Variants in CTNNA2 observed in about 807,000 individuals in gnomAD.
The protein encoded by CTNNA2 is catenin alpha 2.
In CTNNA2, 42 loss-of-function variants were observed where a neutral mutation model predicts 101.0. The ratio of observed to expected loss-of-function variants is 0.42; its 90% CI spans 0.32 to 0.54. The LOEUF is 0.54. CTNNA2 is among the 20% of genes least tolerant of loss of function. The pLI, the probability that CTNNA2 is intolerant of heterozygous loss-of-function variation, is 0.14. For missense variants in CTNNA2, 871 were observed against 1,223.1 expected, an observed-to-expected ratio of 0.71 and a Z score of 4.29; for synonymous variants, 450 against 456.4, an observed-to-expected ratio of 0.99 and a Z score of 0.18.
rs143099518 is a variant in CTNNA2, at chr2:79,984,622, C to T, written c.1056+74825C>T. Among the ~76,000 whole-genome samples the T allele has an allele frequency of 1.6e-3, 248 of 152,284 alleles. 1 individual carries two copies. The highest frequency in any genetic ancestry group is 3.1e-3 in the Non-Finnish European group (213 of 68,026). On this transcript the variant is annotated intron_variant, in intron 7 of 18. Coordinates refer to ENST00000402739, the MANE Select transcript of CTNNA2 (RefSeq NM_001282597.3). The stretch of plus-strand genomic sequence containing the variant: ...GAGAATGATGCCTTAGTTTGTAGAA[C>T]TTCCAAGTGAAGTGTGGCTATGAGT...
At chr2:79,428,087 A>T (rs1678611694) in intron 4 of CTNNA2, among the ~76,000 whole-genome samples, 1 of 152,034 alleles carries the variant, frequency 6.6e-6, no homozygotes, top group African/African-American at 2.4e-5. Flanking sequence ...TATAATATAT[A>T]AGGTTTCCTT....
At chr2:80,059,195 C>A (rs1235273774) in intron 7 of CTNNA2, among the ~76,000 whole-genome samples, 1 of 152,108 alleles carries the variant, frequency 6.6e-6, no homozygotes, top group African/African-American at 2.4e-5. Context: ...TGACCCACAC[C>A]ATATTTCATG....
chr2:79,614,728 G>A (rs1182667274), intron 1 of CTNNA2, among the ~76,000 whole-genome samples: 2 of 152,158 alleles, frequency 1.3e-5, no homozygotes, highest in East Asian at 3.9e-4. Flanking sequence ...TATGCAAAAT[G>A]TTTTTATATT....
chr2:79,606,091 A>G (rs959972352), intron 1 of CTNNA2, among the ~76,000 whole-genome samples: 1 of 152,222 alleles, frequency 6.6e-6, no homozygotes, highest in Non-Finnish European at 1.5e-5. Flanking sequence ...AGGTGAAAAA[A>G]TCAATAATAT....
At chr2:79,480,515 G>A (rs1042161301) in intron 4 of CTNNA2, among the ~76,000 whole-genome samples, 23 of 151,978 alleles carry the variant, frequency 1.5e-4, no homozygotes, top group African/African-American at 5.6e-4. Context: ...TATTAACATT[G>A]TACTGTCTTT....
intron 2 of CTNNA2, among the ~76,000 whole-genome samples, chr2:79,297,677 A>G (rs113734421): frequency 2.0e-3 from 303 of 152,278 alleles, no homozygotes; most frequent in Non-Finnish European, 3.6e-3. Flanking sequence ...TTATCTCTCT[A>G]TCTATATCTA....
chr2:79,550,642 T>G (rs1416412770), intron 1 of CTNNA2, among the ~76,000 whole-genome samples: 1 of 152,260 alleles, frequency 6.6e-6, no homozygotes, highest in Non-Finnish European at 1.5e-5. Context: ...ACTCATTTAC[T>G]TATTCTTTCC....
chr2:80,599,589 G>C (rs1228387152), intron 15 of CTNNA2, among the ~76,000 whole-genome samples: 1 of 152,024 alleles, frequency 6.6e-6, no homozygotes, highest in Non-Finnish European at 1.5e-5. Context: ...TTCATGATGT[G>C]GGGAAACTGG....
chr2:80,093,661 C>T (rs1272684381), intron 7 of CTNNA2, among the ~76,000 whole-genome samples: 1 of 148,904 alleles, frequency 6.7e-6, no homozygotes, highest in Non-Finnish European at 1.5e-5. Flanking sequence ...TCCTCTCCAG[C>T]ACCTGTTTTT....
At chr2:80,285,393 T>C (rs572010880) in intron 7 of CTNNA2, among the ~76,000 whole-genome samples, 1 of 152,206 alleles carries the variant, frequency 6.6e-6, no homozygotes, top group African/African-American at 2.4e-5. Context: ...TATTTTAATG[T>C]CTTAATAAAA....
chr2:79,827,306 G>T (rs1018780080), intron 3 of CTNNA2, among the ~76,000 whole-genome samples: 1 of 152,134 alleles, frequency 6.6e-6, no homozygotes, highest in Non-Finnish European at 1.5e-5. Flanking sequence ...CCAAAGTGCT[G>T]GGATTACAGG....
intron 3 of CTNNA2, among the ~76,000 whole-genome samples, chr2:79,340,414 T>G (rs946819361): frequency 1.3e-5 from 2 of 152,130 alleles, no homozygotes; most frequent in African/African-American, 2.4e-5. Flanking sequence ...AGTTGGCAGG[T>G]GCAGTAAACT....
chr2:80,313,374 C>T (rs1010238678), intron 7 of CTNNA2: 27 of 1,336,760 alleles, frequency 2.0e-5, no homozygotes, highest in African/African-American at 1.2e-4. Context: ...GAATTTTACC[C>T]GATGAGAAGC....
At chr2:80,277,651 A>G (rs1477736887) in intron 7 of CTNNA2, among the ~76,000 whole-genome samples, 1 of 151,922 alleles carries the variant, frequency 6.6e-6, no homozygotes, top group African/African-American at 2.4e-5. Flanking sequence ...TGGTGAGAGG[A>G]ACAAAATGAG....
chr2:79,948,319 T>C (rs1688642716), intron 7 of CTNNA2, among the ~76,000 whole-genome samples: 1 of 152,164 alleles, frequency 6.6e-6, no homozygotes. Flanking sequence ...AATCATGAAA[T>C]TAAAATGTTG....
In CTNNA2 at chr2:79,893,990, T is replaced by TTTCTTCTTC. The variant is rs60336887; in HGVS notation, c.853-15537_853-15529dup. ...TTTTATTCTGTCAAGCTTAGGCTGT[T>TTTCTTCTTC]TTCTTCTTCTTCTTCTTCTTCTTCT... On this transcript the variant is annotated intron_variant, in intron 6 of 18. Coordinates refer to ENST00000402739, the MANE Select transcript of CTNNA2 (RefSeq NM_001282597.3). Among the ~76,000 whole-genome samples, 136 of 114,904 alleles carry TTTCTTCTTC rather than the reference T, an allele frequency of 1.2e-3. 2 individuals are homozygous for TTTCTTCTTC. Among genetic ancestry groups the TTTCTTCTTC allele is most frequent in the East Asian group, 2.4e-3 (9 of 3,770 alleles). The allele number at this position is 114,904 out of a possible 152,430, so 75.4% of individuals were successfully genotyped here. A position where few individuals can be genotyped will look rare whatever the true frequency, so the allele number is the denominator to read the frequency against.
At chr2:79,469,585 C>T (rs1341021331) in intron 4 of CTNNA2, among the ~76,000 whole-genome samples, 2 of 152,016 alleles carry the variant, frequency 1.3e-5, no homozygotes, top group South Asian at 2.1e-4. Context: ...AAAAAAGAGA[C>T]TTTTAGACCA....
At chr2:79,898,732 T>A (rs74975917) in intron 6 of CTNNA2, among the ~76,000 whole-genome samples, 3,401 of 152,232 alleles carry the variant, frequency 0.022, 64 homozygotes, top group African/African-American at 0.044. Flanking sequence ...GAGAAGTACT[T>A]TCTCATACAT....
At chr2:79,507,175 G>T (rs1482568685) in intron 5 of CTNNA2, among the ~76,000 whole-genome samples, 1 of 152,104 alleles carries the variant, frequency 6.6e-6, no homozygotes, top group African/African-American at 2.4e-5. Context: ...TAAGGAGGCT[G>T]GATAGGAAAA....
Sources: allele counts gnomAD v4.1 joint callset (sites outside exome capture counted in the v4.1 genomes callset), GRCh38; gene constraint gnomAD v4.1.1; transcripts MANE v1.5; gene names NCBI Gene and HGNC (gene_info 2026-07-23, HGNC 2026-07-21).